The following BMP2K variants were observed in gnomAD, a reference collection of about 807,000 sequenced individuals.
BMP2K encodes the protein BMP2 inducible kinase.
Under a neutral mutation model 116.0 loss-of-function variants are expected in BMP2K, and 74 were observed. That is an observed-to-expected ratio of 0.64 (90% CI 0.53 to 0.77). The LOEUF (loss-of-function observed/expected upper bound fraction) is 0.77, where lower values mean the gene tolerates loss of function less well. Ranked by LOEUF, BMP2K falls within the 30% of genes least tolerant of loss-of-function variation. BMP2K has a pLI of 0.00. For synonymous variants in BMP2K, 486 were observed against 502.5 expected (o/e 0.97, Z 0.44); for missense variants, 1,365 against 1,403.6 (o/e 0.97, Z 0.44).
intron 15 of BMP2K, among the ~76,000 whole-genome samples, chr4:78,888,795 G>A: frequency 6.6e-6 from 1 of 152,154 alleles, no homozygotes; most frequent in East Asian, 1.9e-4. Flanking sequence ...AATATGAATT[G>A]TCTATCTTTG....
chr4:78,910,257 C>A (rs1051208295), intron 15 of BMP2K, among the ~76,000 whole-genome samples: 2 of 152,156 alleles, frequency 1.3e-5, no homozygotes, highest in African/African-American at 4.8e-5. Flanking sequence ...AATGTGAAAT[C>A]TGAGCTTTCA....
intron 9 of BMP2K, among the ~76,000 whole-genome samples, chr4:78,865,242 G>T (rs1334313537): frequency 6.6e-6 from 1 of 152,122 alleles, no homozygotes; most frequent in Non-Finnish European, 1.5e-5. Flanking sequence ...CTTATGAAAA[G>T]GTTTCTGTTT....
At chr4:78,879,017 C>T (rs1732771983) in intron 14 of BMP2K, 126 bp downstream of exon 14, 3 of 1,487,580 alleles carry the variant, frequency 2.0e-6, no homozygotes, top group Non-Finnish European at 2.7e-6. Flanking sequence ...GGGCAAAATT[C>T]AGGCCATCTT....
At chr4:78,795,606 A>G (rs921433431) in intron 1 of BMP2K, among the ~76,000 whole-genome samples, 4 of 152,196 alleles carry the variant, frequency 2.6e-5, no homozygotes, top group African/African-American at 7.2e-5. Context: ...CAGACAACCT[A>G]CAAAATGGGA....
intron 1 of BMP2K, among the ~76,000 whole-genome samples, chr4:78,811,302 G>C (rs1456474523): frequency 1.3e-5 from 2 of 152,222 alleles, no homozygotes; most frequent in East Asian, 3.8e-4. Context: ...CCTAGAGAGG[G>C]TAGGACAGTA....
chr4:78,819,165 C>T (rs1225780114), intron 1 of BMP2K, among the ~76,000 whole-genome samples: 4 of 151,950 alleles, frequency 2.6e-5, no homozygotes, highest in East Asian at 1.9e-4. Flanking sequence ...AAGGGGAAGG[C>T]GGAAGCAAGG....
chr4:78,786,523 T>C (rs2109924991), intron 1 of BMP2K, among the ~76,000 whole-genome samples: 1 of 151,842 alleles, frequency 6.6e-6, no homozygotes, highest in East Asian at 1.9e-4. Flanking sequence ...AGCCTTGAGC[T>C]ACTGGCCTCA....
intron 13 of BMP2K, among the ~76,000 whole-genome samples, chr4:78,877,485 A>C (rs1361642512): frequency 6.6e-6 from 1 of 152,158 alleles, no homozygotes; most frequent in Non-Finnish European, 1.5e-5. Flanking sequence ...GTGGATTGTC[A>C]ATATCACTGT....
chr4:78,877,065 A>T (rs1432363033), intron 13 of BMP2K, among the ~76,000 whole-genome samples: 1 of 152,184 alleles, frequency 6.6e-6, no homozygotes, highest in African/African-American at 2.4e-5. Context: ...GTACATCTGT[A>T]TAGGGCACTT....
At chr4:78,892,397 T>C (rs1733485681) in intron 15 of BMP2K, among the ~76,000 whole-genome samples, 1 of 152,218 alleles carries the variant, frequency 6.6e-6, no homozygotes, top group African/African-American at 2.4e-5. Context: ...TCCAGTATCA[T>C]CATTTGAAAA....
chr4:78,833,575 T>A lies in BMP2K; in HGVS notation c.298-7T>A. ...TTTCCAGTTTTCATTTTTTTTTTTC[T>A]TTCCAGAAAGAGCTATCTGGTCACA... is the stretch of plus-strand genomic sequence containing the variant. On this transcript the variant is annotated splice_region_variant and splice_polypyrimidine_tract_variant and intron_variant, in intron 2 of 15. Transcript: ENST00000502613. 30 of 1,559,078 alleles carry A rather than the reference T, an allele frequency of 1.9e-5. No homozygotes were observed. Among genetic ancestry groups the A allele is most frequent in the Non-Finnish European group, 2.4e-5 (28 of 1,155,860 alleles).
intron 15 of BMP2K, among the ~76,000 whole-genome samples, chr4:78,893,576 C>G (rs1733552871): frequency 6.6e-6 from 1 of 152,116 alleles, no homozygotes; most frequent in Admixed American, 6.6e-5. Context: ...AATAATAAGA[C>G]TTTTAAAAAT....
chr4:78,914,265 C>T lies in BMP2K; in HGVS notation c.*2232C>T, dbSNP rs1476317825. On this transcript the variant is annotated 3_prime_UTR_variant, in exon 16 of 16. Coordinates refer to ENST00000502613, the MANE Select transcript of BMP2K (RefSeq NM_198892.2). ...ATACACTGAATAATTTTAAATGATTCTGACACTGATGTAGACCCTTTGACT... is the reference window on the plus strand; with the variant it reads ...ATACACTGAATAATTTTAAATGATTTTGACACTGATGTAGACCCTTTGACT... 2.0e-5 allele frequency: 3 copies of T among 152,004 alleles called. No homozygotes were observed. Among genetic ancestry groups the T allele is most frequent in the African/African-American group, 7.2e-5 (3 of 41,406 alleles). 9.4% of individuals were successfully genotyped at this position (152,004 alleles called of 1,614,324 possible).
chr4:78,838,950 A>G (rs1730622606), intron 3 of BMP2K, among the ~76,000 whole-genome samples: 1 of 152,200 alleles, frequency 6.6e-6, no homozygotes, highest in Non-Finnish European at 1.5e-5. Context: ...TTTTGAGCAC[A>G]TTTATATTAT....
chr4:78,858,748 T>C (rs1397965695), intron 7 of BMP2K, among the ~76,000 whole-genome samples: 8 of 151,036 alleles, frequency 5.3e-5, no homozygotes, highest in African/African-American at 2.0e-4. Context: ...ACATTTTAAG[T>C]AGTTTAAAAA....
intron 1 of BMP2K, among the ~76,000 whole-genome samples, chr4:78,800,226 T>C (rs1168891999): frequency 6.6e-6 from 1 of 152,220 alleles, no homozygotes; most frequent in Non-Finnish European, 1.5e-5. Flanking sequence ...GCTGATACTT[T>C]GGCTCTGTGA....
chr4:78,797,447 T>C (rs966036861), intron 1 of BMP2K, among the ~76,000 whole-genome samples: 1 of 152,194 alleles, frequency 6.6e-6, no homozygotes, highest in Non-Finnish European at 1.5e-5. Context: ...ATTGAACAGA[T>C]TCCTTGACTT....
intron 15 of BMP2K, among the ~76,000 whole-genome samples, chr4:78,908,722 C>T (rs1734411528): frequency 6.6e-6 from 1 of 152,182 alleles, no homozygotes; most frequent in African/African-American, 2.4e-5. Context: ...TACTCCTCTT[C>T]ACTTTCCAAC....
chr4:78,825,101 G>A lies in BMP2K; in HGVS notation c.179-936G>A, dbSNP rs564340223. ...CGCCTATAGTCCCAGCGACTTGGGA[G>A]GCTGAGGCAGGAAAGTTGCTTGAAC... On this transcript the variant is annotated intron_variant, in intron 1 of 15. Coordinates refer to ENST00000502613, the MANE Select transcript of BMP2K (RefSeq NM_198892.2). Among the ~76,000 whole-genome samples, 3 of 152,324 alleles carry A rather than the reference G, an allele frequency of 2.0e-5. No individual in the cohort carries two copies. In the South Asian group the frequency reaches 6.2e-4, roughly 32 times the overall value.
Sources: gnomAD v4.1 joint callset for allele counts (sites outside exome capture counted in the v4.1 genomes callset) on GRCh38, gnomAD v4.1.1 for gene constraint, MANE v1.5 for transcripts, NCBI Gene and HGNC (gene_info 2026-07-23, HGNC 2026-07-21) for gene names.